The following PSMA1 variants were observed in gnomAD, a reference collection of about 807,000 sequenced individuals.
PSMA1 encodes proteasome subunit alpha type-1.
A neutral mutation model predicts 38.4 loss-of-function variants in PSMA1; 3 were observed. The ratio of observed to expected loss-of-function variants is 0.08; its 90% CI spans 0.04 to 0.20. PSMA1 has a LOEUF of 0.20. PSMA1 is among the 10% of genes least tolerant of loss of function. PSMA1 has a pLI of 1.00. For synonymous variants in PSMA1, 101 were observed against 107.1 expected (o/e 0.94, Z 0.35); for missense variants, 227 against 325.3 (o/e 0.70, Z 2.32).
chr11:14,519,320 C>T, intron 1 of PSMA1: 1 of 477,884 alleles, frequency 2.1e-6, no homozygotes, highest in Non-Finnish European at 4.0e-6. Flanking sequence ...TACTAAAGTT[C>T]ACAATCAACT....
chr11:14,581,065 G>T (rs1589998654), intron 2 of PSMA1, among the ~76,000 whole-genome samples: 1 of 152,142 alleles, frequency 6.6e-6, no homozygotes, highest in African/African-American at 2.4e-5. Flanking sequence ...AAACACATAT[G>T]AGAGAACCTT....
upstream of PSMA1, among the ~76,000 whole-genome samples, chr11:14,523,204 T>G (rs572666965): frequency 2.0e-5 from 3 of 152,348 alleles, no homozygotes; most frequent in South Asian, 6.2e-4. Context: ...AAGGTTTATA[T>G]GATTTTCAGC....
Position 14,519,065 on chromosome 11 carries a change from C to T in PSMA1, c.4-24G>A, listed in dbSNP as rs759962807. Reference sequence around the variant, plus strand: ...AACTAAAAGTAAAAGAAAAAAATACCTGTTAATAGAAGAACATTTCAAATC... The same window carrying T: ...AACTAAAAGTAAAAGAAAAAAATACTTGTTAATAGAAGAACATTTCAAATC... On this transcript the variant is annotated intron_variant, in intron 1 of 9. Transcript: ENST00000396394. 6.6e-7 allele frequency: 1 copy of T among 1,512,416 alleles called. No homozygotes were observed. The highest frequency in any genetic ancestry group is 2.3e-5 in the East Asian group (1 of 44,232). 93.7% of individuals were successfully genotyped at this position (1,512,416 alleles called of 1,614,324 possible).
At chr11:14,519,158 C>T (rs1310692196) in intron 1 of PSMA1, 117 bp from the exon 2 acceptor site, 25 of 841,290 alleles carry the variant, frequency 3.0e-5, no homozygotes, top group Non-Finnish European at 4.8e-5. Flanking sequence ...TCTGTTCATG[C>T]AGTCTTACTG....
intron 1 of PSMA1, among the ~76,000 whole-genome samples, chr11:14,627,840 C>A (rs528583127): frequency 6.6e-6 from 1 of 152,150 alleles, no homozygotes; most frequent in Non-Finnish European, 1.5e-5. Context: ...TCTCTTATAT[C>A]TAAATCCTAC....
At chr11:14,512,388 A>AG (rs1170566868) in intron 7 of PSMA1, among the ~76,000 whole-genome samples, 2 of 152,170 alleles carry the variant, frequency 1.3e-5, no homozygotes, top group South Asian at 2.1e-4. Flanking sequence ...AAAAAAAAAA[A>AG]AAGAATTAAA....
chr11:14,509,913 T>C (rs11023245), intron 8 of PSMA1, among the ~76,000 whole-genome samples: 100,380 of 151,254 alleles, frequency 0.66, 33,493 homozygotes, highest in African/African-American at 0.7. Flanking sequence ...TTAGTAGAGA[T>C]GGGGTTTCAC....
rs367595501 is a variant in PSMA1, at chr11:14,632,401, T to G, written c.-166+11054A>C. On this transcript the variant is annotated intron_variant, in intron 1 of 10. Transcript: ENST00000418988. The stretch of plus-strand genomic sequence containing the variant: ...TCTCAGCATTTGCTTGTCTGTAAAG[T>G]ATTTTATTTCTCCTTCACTTATGAA... 1.1e-4 allele frequency among the ~76,000 whole-genome samples: 16 copies of G among 141,192 alleles called. No homozygotes were observed. The South Asian group carries it at 1.6e-3, about 14-fold the overall frequency. The allele number at this position is 141,192 out of a possible 152,430, so 92.6% of individuals were successfully genotyped here.
chr11:14,621,098 C>A (rs1450947273), intron 1 of PSMA1, among the ~76,000 whole-genome samples: 3 of 152,010 alleles, frequency 2.0e-5, no homozygotes, highest in African/African-American at 7.3e-5. Flanking sequence ...TGTGAGTGTA[C>A]TTTTAATTAA....
At chr11:14,540,654 T>TAC (rs1224507830) in intron 2 of PSMA1, among the ~76,000 whole-genome samples, 2 of 152,226 alleles carry the variant, frequency 1.3e-5, no homozygotes, top group African/African-American at 4.8e-5. Context: ...CATGTGGAGT[T>TAC]AAACATCAAC....
intron 2 of PSMA1, among the ~76,000 whole-genome samples, chr11:14,563,837 T>C (rs934280782): frequency 6.6e-6 from 1 of 152,210 alleles, no homozygotes; most frequent in Non-Finnish European, 1.5e-5. Context: ...ATTTCCTAGT[T>C]TCTAAGTTGT....
At position 14,535,444 on chromosome 11, in the gene PSMA1, C is replaced by CT. The variant is rs766986230; in HGVS notation, c.22-16404dup. ...TGGGAAAATTTCTTTTTCTTTCTTT[C>CT]TTTTTTTTTTTTTTTTGAGACGGAG... On this transcript the variant is annotated intron_variant, in intron 2 of 10. Coordinates refer to the PSMA1 transcript ENST00000418988. Among the ~76,000 whole-genome samples, 705 of 135,816 alleles carry CT rather than the reference C, an allele frequency of 5.2e-3. 3 individuals are homozygous for CT. Among genetic ancestry groups the CT allele is most frequent in the South Asian group, 7.1e-3 (30 of 4,236 alleles). The allele number at this position is 135,816 out of a possible 152,430, so 89.1% of individuals were successfully genotyped here.
chr11:14,512,110 C>T (rs1157490138), intron 7 of PSMA1, among the ~76,000 whole-genome samples: 1 of 152,220 alleles, frequency 6.6e-6, no homozygotes, highest in Non-Finnish European at 1.5e-5. Flanking sequence ...TGTGGTGGCT[C>T]ACGCCTGTAA....
intron 2 of PSMA1, among the ~76,000 whole-genome samples, chr11:14,554,870 A>G (rs1851926175): frequency 6.6e-6 from 1 of 152,228 alleles, no homozygotes; most frequent in Non-Finnish European, 1.5e-5. Context: ...AAGACTGAGT[A>G]CAAAGTAGTT....
At chr11:14,605,166 C>G (rs1852627972) in intron 2 of PSMA1, among the ~76,000 whole-genome samples, 1 of 152,190 alleles carries the variant, frequency 6.6e-6, no homozygotes, top group South Asian at 2.1e-4. Flanking sequence ...GCATTCCCAT[C>G]AACAGTGTAT....
intron 9 of PSMA1, among the ~76,000 whole-genome samples, chr11:14,506,833 G>A (rs1371376774): frequency 2.0e-5 from 3 of 152,214 alleles, no homozygotes; most frequent in Admixed American, 1.3e-4. Flanking sequence ...CAATATGCTA[G>A]AGAGACCCTG....
chr11:14,512,393 A>T (rs539172253), intron 7 of PSMA1, among the ~76,000 whole-genome samples: 1 of 152,266 alleles, frequency 6.6e-6, no homozygotes, highest in South Asian at 2.1e-4. Flanking sequence ...AAAAAAAAGA[A>T]TTAAATACCT....
At chr11:14,623,314 T>G (rs1263372067) in intron 1 of PSMA1, among the ~76,000 whole-genome samples, 1 of 152,154 alleles carries the variant, frequency 6.6e-6, no homozygotes, top group African/African-American at 2.4e-5. Context: ...TGTATGTGAG[T>G]ACAAGCTCAA....
chr11:14,537,080 G>C (rs1467704605), intron 2 of PSMA1, among the ~76,000 whole-genome samples: 1 of 152,086 alleles, frequency 6.6e-6, no homozygotes, highest in African/African-American at 2.4e-5. Context: ...CTTTCCTCAA[G>C]ACAAGAGAGA....
Sources: gnomAD v4.1 joint callset for allele counts (sites outside exome capture counted in the v4.1 genomes callset) on GRCh38, gnomAD v4.1.1 for gene constraint, MANE v1.5 for transcripts, NCBI Gene and HGNC (gene_info 2026-07-23, HGNC 2026-07-21) for gene names.